Variants in CCDC43 observed in about 807,000 individuals in gnomAD.
CCDC43 encodes coiled-coil domain containing 43, also known as coiled-coil domain-containing protein 43.
Under a neutral mutation model 33.3 loss-of-function variants are expected in CCDC43, and 20 were observed. That is an observed-to-expected ratio of 0.60 (90% CI 0.42 to 0.87). The LOEUF is 0.87. CCDC43 is among the 40% of genes least tolerant of loss of function. The pLI is 0.00. For synonymous variants in CCDC43, 104 were observed against 106.5 expected (o/e 0.98, Z 0.14); for missense variants, 248 against 269.9 (o/e 0.92, Z 0.57).
intron 1 of CCDC43, among the ~76,000 whole-genome samples, chr17:44,684,260 T>C (rs1434095217): frequency 6.6e-6 from 1 of 152,206 alleles, no homozygotes; most frequent in South Asian, 2.1e-4. Flanking sequence ...TTTATTTTAT[T>C]TTTAATTGAC....
At position 44,678,295 on chromosome 17, in the gene CCDC43, A is replaced by C. The variant is rs1972105903; in HGVS notation, c.*561T>G. ...CTCCCACAGGCTGAAACTTTCAAAA[A>C]AAAAAAAAAAATCAGATCTAGAACA... On this transcript the variant is annotated 3_prime_UTR_variant, in exon 5 of 5. Transcript: ENST00000315286. 6.6e-6 allele frequency: 1 copy of C among 152,082 alleles called. No homozygotes were observed. Among genetic ancestry groups the C allele is most frequent in the Non-Finnish European group, 1.5e-5 (1 of 68,024 alleles). 9.4% of individuals were successfully genotyped at this position (152,082 alleles called of 1,614,324 possible).
At chr17:44,679,264 T>C (rs765552971) in intron 4 of CCDC43, among the ~76,000 whole-genome samples, 3 of 152,310 alleles carry the variant, frequency 2.0e-5, no homozygotes, top group East Asian at 1.9e-4. Flanking sequence ...AAAACTCTTA[T>C]TCAGATTTAC....
chr17:44,689,500 G>T, intron 1 of CCDC43, 50 bp downstream of exon 1: 1 of 1,611,444 alleles, frequency 6.2e-7, no homozygotes, highest in South Asian at 1.1e-5. Flanking sequence ...AGTACTGACA[G>T]GTCCTCAGAT....
chr17:44,679,112 T>G, intron 4 of CCDC43, 69 bp from the exon 5 acceptor site: 1 of 1,269,762 alleles, frequency 7.9e-7, no homozygotes, highest in South Asian at 1.5e-5. Context: ...TTCCTCATTC[T>G]ACTTATCCTC....
chr17:44,689,353 A>G, intron 1 of CCDC43, 197 bp downstream of exon 1: 1 of 688,560 alleles, frequency 1.5e-6, no homozygotes, highest in Non-Finnish European at 2.4e-6. Context: ...CTCTCTGTGT[A>G]CCTGCAGCTT....
chr17:44,684,162 A>ACAT (rs1972201030), intron 1 of CCDC43, among the ~76,000 whole-genome samples: 1 of 152,184 alleles, frequency 6.6e-6, no homozygotes, highest in Non-Finnish European at 1.5e-5. Context: ...CACACCTCCT[A>ACAT]CATCAAGAAC....
Position 44,689,673 on chromosome 17 carries a change from G to A in CCDC43, c.81C>T (p.Asp27=). Residue 27 remains aspartate (D), a synonymous_variant, in exon 1 of 5, where the codon GAC becomes GAT. Transcript: ENST00000315286. The part of the protein sequence containing the change: ...GGGGGFGSWL[D]GRLEALGVDR... Reference sequence around the variant, plus strand: ...CCACTCCCAGTGCCTCCAACCGTCCGTCCAGCCAGGAGCCAAAGCCGCCGC... The same window carrying A: ...CCACTCCCAGTGCCTCCAACCGTCCATCCAGCCAGGAGCCAAAGCCGCCGC... 6.2e-7 allele frequency: 1 copy of A among 1,612,060 alleles called. No individual in the cohort carries two copies. Among genetic ancestry groups the A allele is most frequent in the South Asian group, 1.1e-5 (1 of 90,828 alleles).
intron 1 of CCDC43, among the ~76,000 whole-genome samples, chr17:44,687,201 G>A (rs1353352412): frequency 6.6e-6 from 1 of 152,064 alleles, no homozygotes; most frequent in Non-Finnish European, 1.5e-5. Context: ...CCAGCACTTT[G>A]AGAGACTGAG....
rs569557953 is a variant in CCDC43, at chr17:44,683,193, G to C, written c.292+679C>G. Among the ~76,000 whole-genome samples, 3 of 152,262 alleles carry C rather than the reference G, an allele frequency of 2.0e-5. No individual in the cohort carries two copies. The South Asian group carries it at 6.2e-4, about 32-fold the overall frequency. Reference sequence around the variant, plus strand: ...TCCATTTTAAAGGGTAAAGTGTTTAGCTGAATAAAGCCAAATACCAACCAT... The same window carrying C: ...TCCATTTTAAAGGGTAAAGTGTTTACCTGAATAAAGCCAAATACCAACCAT... On this transcript the variant is annotated intron_variant, in intron 2 of 4. Transcript: ENST00000315286.
chr17:44,680,551 G>A lies in CCDC43; in HGVS notation c.487+34C>T, dbSNP rs1224295770. On this transcript the variant is annotated intron_variant, in intron 4 of 4. Coordinates refer to ENST00000315286, the MANE Select transcript of CCDC43 (RefSeq NM_144609.3). ...AAAACTGATCTCAAGAGGACTCTATGGAGAAACACATAGGGAGGGACCCAG... is the reference window on the plus strand; with the variant it reads ...AAAACTGATCTCAAGAGGACTCTATAGAGAAACACATAGGGAGGGACCCAG... The A allele has an allele frequency of 7.3e-6, 11 of 1,515,538 alleles. No homozygotes were observed. The Middle Eastern group carries it at 6.8e-4, about 94-fold the overall frequency. 93.9% of individuals were successfully genotyped at this position (1,515,538 alleles called of 1,614,324 possible).
intron 2 of CCDC43, 69 bp from the exon 3 acceptor site, chr17:44,682,207 A>G (rs1972173658): frequency 6.3e-7 from 1 of 1,586,740 alleles, no homozygotes; most frequent in Admixed American, 1.7e-5. Context: ...ACTAGTCCAC[A>G]TAGGCAGCAC....
chr17:44,689,615 T>C lies in CCDC43; in HGVS notation c.139A>G (p.Ile47Val), dbSNP rs1972294289. 1 of 1,613,886 alleles carries C rather than the reference T, an allele frequency of 6.2e-7. No individual in the cohort carries two copies. Among genetic ancestry groups the C allele is most frequent in the Admixed American group, 1.7e-5 (1 of 59,994 alleles). ...TCTTCTTCCTCCTCCTCCTGCAGGA[T>C]ACCCAAGATGTAGGCTCCATAAACG... is the stretch of plus-strand genomic sequence containing the variant. Reference protein sequence around the residue: ...RAVYGAYILGILQEEEEEEKL... With the variant: ...RAVYGAYILGVLQEEEEEEKL... Residue 47 changes from isoleucine (I) to valine (V), a missense_variant, in exon 1 of 5, where the codon ATC (isoleucine) becomes GTC (valine). Ile to Val is a conservative substitution (Grantham distance 29). Transcript: ENST00000315286.
At chr17:44,682,248 C>A in intron 2 of CCDC43, 110 bp from the exon 3 acceptor site, 1 of 1,318,290 alleles carries the variant, frequency 7.6e-7, no homozygotes, top group South Asian at 1.3e-5. Flanking sequence ...TCTGCTGCCT[C>A]CTTAGAGCCT....
intron 4 of CCDC43, 81 bp downstream of exon 4, chr17:44,680,504 C>T (rs889890657): frequency 8.9e-6 from 9 of 1,011,644 alleles, no homozygotes; most frequent in East Asian, 7.2e-5. Flanking sequence ...AAAGGGGAGC[C>T]GCCAGCAATG....
chr17:44,683,148 G>A (rs1972186377), intron 2 of CCDC43, among the ~76,000 whole-genome samples: 1 of 152,124 alleles, frequency 6.6e-6, no homozygotes, highest in Non-Finnish European at 1.5e-5. Context: ...CTAGTGGTGG[G>A]TATATTCGCC....
intron 1 of CCDC43, chr17:44,688,278 G>A (rs896201520): frequency 6.6e-6 from 1 of 152,120 alleles, no homozygotes; most frequent in Non-Finnish European, 1.5e-5. Context: ...AGACTTCTGA[G>A]TAGCTGGGAC....
chr17:44,679,257 A>G (rs1302939414), intron 4 of CCDC43, among the ~76,000 whole-genome samples: 2 of 152,150 alleles, frequency 1.3e-5, no homozygotes, highest in Non-Finnish European at 2.9e-5. Context: ...TTGGAATAAA[A>G]CTCTTATTCA....
intron 1 of CCDC43, chr17:44,689,279 C>G (rs1972286156): frequency 4.0e-6 from 2 of 497,730 alleles, no homozygotes. Flanking sequence ...TCGGAAGAAC[C>G]CTCCTCGGCT....
Position 44,682,082 on chromosome 17 carries a change from G to C in CCDC43, c.349C>G (p.Pro117Ala). Residue 117 changes from proline to alanine, a missense_variant, in exon 3 of 5, where the codon CCA becomes GCA. Transcript: ENST00000315286. ...IEKQAQIVVK[P>A]RMVSEEEKQR... ...TTCTCCTCTTCTGACACCATCCTTGGCTTTACTACGATTTGTGCCTGCTTC... is the reference window on the plus strand; with the variant it reads ...TTCTCCTCTTCTGACACCATCCTTGCCTTTACTACGATTTGTGCCTGCTTC... The C allele has an allele frequency of 6.2e-7, 1 of 1,613,998 alleles. No homozygotes were observed.
Sources: allele counts gnomAD v4.1 joint callset (sites outside exome capture counted in the v4.1 genomes callset), GRCh38; gene constraint gnomAD v4.1.1; transcripts MANE v1.5; gene names NCBI Gene and HGNC (gene_info 2026-07-23, HGNC 2026-07-21).